Variants in TMPRSS11A observed in about 807,000 individuals in gnomAD.
TMPRSS11A encodes the protein transmembrane serine protease 11A.
In TMPRSS11A, 53 loss-of-function variants were observed where a neutral mutation model predicts 58.9. The ratio of observed to expected loss-of-function variants is 0.90; its 90% CI spans 0.72 to 1.13. TMPRSS11A has a LOEUF of 1.13. Ranked by LOEUF, TMPRSS11A falls within the 50% of genes most tolerant of loss-of-function variation. The pLI is 0.00. For missense variants in TMPRSS11A, 493 were observed against 499.3 expected, an observed-to-expected ratio of 0.99 and a Z score of 0.12; for synonymous variants, 167 against 169.8, an observed-to-expected ratio of 0.98 and a Z score of 0.13.
chr4:67,927,119 G>T (rs1284595552), intron 5 of TMPRSS11A, among the ~76,000 whole-genome samples: 1 of 152,124 alleles, frequency 6.6e-6, no homozygotes, highest in Non-Finnish European at 1.5e-5. Context: ...CCACTTGTCT[G>T]CATACCTCAT....
chr4:67,909,691 T>C lies in TMPRSS11A; in HGVS notation c.*1651A>G, dbSNP rs1176989532. ...TCATTTAAAATTCTTATCTTAAGAG[T>C]TTTCTATCTTAATACAGGTTCAATA... On this transcript the variant is annotated 3_prime_UTR_variant, in exon 10 of 10. Transcript: ENST00000508048. 6.6e-6 allele frequency: 1 copy of C among 152,034 alleles called. No homozygotes were observed. Among genetic ancestry groups the C allele is most frequent in the Non-Finnish European group, 1.5e-5 (1 of 67,972 alleles). The allele number at this position is 152,034 out of a possible 1,614,324, so 9.4% of individuals were successfully genotyped here.
Position 67,932,755 on chromosome 4 carries a change from A to T in TMPRSS11A, c.253-695T>A, listed in dbSNP as rs1272082277. ...AAGAGAGAGCCAAAATTTTTAAATT[A>T]TTGTCAATTGTGGACTCTAGGGTAA... On this transcript the variant is annotated intron_variant, in intron 3 of 9. Transcript: ENST00000508048. Among the ~76,000 whole-genome samples the T allele has an allele frequency of 3.7e-4, 57 of 152,176 alleles. 1 individual carries two copies. Among genetic ancestry groups the T allele is most frequent in the Non-Finnish European group, 1.3e-4 (9 of 67,986 alleles).
At chr4:67,947,799 C>T (rs1200519886) in intron 1 of TMPRSS11A, among the ~76,000 whole-genome samples, 2 of 152,156 alleles carry the variant, frequency 1.3e-5, no homozygotes, top group African/African-American at 2.4e-5. Context: ...CTGCATTAGC[C>T]TTGTTCATCT....
chr4:67,935,142 A>G (rs1449566052), intron 3 of TMPRSS11A, among the ~76,000 whole-genome samples: 1 of 152,226 alleles, frequency 6.6e-6, no homozygotes, highest in Non-Finnish European at 1.5e-5. Context: ...CTGAGGTTTC[A>G]TTGCCACAAG....
chr4:67,929,075 TA>T (rs1226102209), intron 5 of TMPRSS11A, among the ~76,000 whole-genome samples: 1 of 152,256 alleles, frequency 6.6e-6, no homozygotes, highest in Non-Finnish European at 1.5e-5. Context: ...AAACCTTTTT[TA>T]ATTGGAGCCT....
chr4:67,930,558 G>A (rs1279088863), intron 4 of TMPRSS11A, among the ~76,000 whole-genome samples: 2 of 151,806 alleles, frequency 1.3e-5, no homozygotes, highest in Admixed American at 6.6e-5. Context: ...TCTACCAGTT[G>A]GAACATACAT....
intron 3 of TMPRSS11A, among the ~76,000 whole-genome samples, chr4:67,941,134 C>G (rs1289846197): frequency 6.6e-6 from 1 of 152,180 alleles, no homozygotes; most frequent in Non-Finnish European, 1.5e-5. Flanking sequence ...ACTCATTTTA[C>G]TTTTGCATCT....
intron 1 of TMPRSS11A, among the ~76,000 whole-genome samples, chr4:67,950,357 T>C (rs1267723632): frequency 1.3e-5 from 2 of 152,228 alleles, no homozygotes; most frequent in Non-Finnish European, 2.9e-5. Context: ...CACTTGGCCA[T>C]CTCCTTCTTC....
Position 67,920,527 on chromosome 4 carries a change from T to TTATATATATATATATA in TMPRSS11A, c.693-1311_693-1296dup, listed in dbSNP as rs1180319358. Among the ~76,000 whole-genome samples, 116 of 132,702 alleles carry TTATATATATATATATA rather than the reference T, an allele frequency of 8.7e-4. 1 individual carries two copies. Among genetic ancestry groups the TTATATATATATATATA allele is most frequent in the South Asian group, 4.1e-3 (16 of 3,942 alleles). The allele number at this position is 132,702 out of a possible 152,430, so 87.1% of individuals were successfully genotyped here. A position where few individuals can be genotyped will look rare whatever the true frequency, so the allele number is the denominator to read the frequency against. On this transcript the variant is annotated intron_variant, in intron 7 of 9. Coordinates refer to ENST00000508048, the MANE Select transcript of TMPRSS11A (RefSeq NM_001114387.2). ...AGTTGGTTCTGGAAAAATGAGGTAA[T>TTATATATATATATATA]TATATATATATATATATATATATTT...
chr4:67,945,649 A>G (rs571868799), intron 2 of TMPRSS11A, among the ~76,000 whole-genome samples: 26 of 152,200 alleles, frequency 1.7e-4, no homozygotes, highest in Non-Finnish European at 3.4e-4. Flanking sequence ...TAAGGCTCCA[A>G]GTAGAGTCTT....
intron 1 of TMPRSS11A, among the ~76,000 whole-genome samples, chr4:67,962,678 T>G (rs1218822175): frequency 6.6e-6 from 1 of 152,262 alleles, no homozygotes; most frequent in Non-Finnish European, 1.5e-5. Context: ...ATTATCATCA[T>G]GGCTGTTTAA....
intron 7 of TMPRSS11A, among the ~76,000 whole-genome samples, chr4:67,922,483 G>A (rs1577854669): frequency 6.6e-6 from 1 of 152,108 alleles, no homozygotes; most frequent in African/African-American, 2.4e-5. Context: ...TTTTGTGTTA[G>A]GATGTCACAA....
At chr4:67,914,164 G>A (rs1278934424) in intron 9 of TMPRSS11A, among the ~76,000 whole-genome samples, 1 of 152,098 alleles carries the variant, frequency 6.6e-6, no homozygotes, top group African/African-American at 2.4e-5. Flanking sequence ...TTCTGAAATT[G>A]GATGTTATTT....
chr4:67,939,504 A>T (rs1720829942), intron 3 of TMPRSS11A, among the ~76,000 whole-genome samples: 1 of 152,124 alleles, frequency 6.6e-6, no homozygotes, highest in African/African-American at 2.4e-5. Context: ...GTTCTTAAGG[A>T]TAGTGCCTCC....
At chr4:67,927,543 G>A (rs1386108767) in intron 5 of TMPRSS11A, among the ~76,000 whole-genome samples, 1 of 152,256 alleles carries the variant, frequency 6.6e-6, no homozygotes, top group Non-Finnish European at 1.5e-5. Flanking sequence ...CTCCATGCCT[G>A]GGTTGGCCTT....
At chr4:67,951,022 C>A (rs1008113516) in intron 1 of TMPRSS11A, among the ~76,000 whole-genome samples, 1 of 152,200 alleles carries the variant, frequency 6.6e-6, no homozygotes, top group African/African-American at 2.4e-5. Context: ...AGAGATGGGG[C>A]AGACCCCTGT....
chr4:67,911,926 C>T (rs545902526), intron 9 of TMPRSS11A, among the ~76,000 whole-genome samples: 4 of 152,068 alleles, frequency 2.6e-5, no homozygotes, highest in African/African-American at 9.7e-5. Flanking sequence ...TTTATTTTCT[C>T]TTACGTAGTT....
At chr4:67,930,468 T>G (rs1278609721) in intron 4 of TMPRSS11A, among the ~76,000 whole-genome samples, 1 of 152,128 alleles carries the variant, frequency 6.6e-6, no homozygotes, top group Non-Finnish European at 1.5e-5. Flanking sequence ...TTGTTTCTCT[T>G]TGGTCAGCTC....
intron 3 of TMPRSS11A, among the ~76,000 whole-genome samples, chr4:67,938,270 T>A (rs767532827): frequency 3.9e-5 from 6 of 152,282 alleles, no homozygotes; most frequent in Non-Finnish European, 7.4e-5. Flanking sequence ...CTTTTGCTTG[T>A]TGAGTTGTTT....
Sources: gnomAD v4.1 joint callset for allele counts (sites outside exome capture counted in the v4.1 genomes callset) on GRCh38, gnomAD v4.1.1 for gene constraint, MANE v1.5 for transcripts, NCBI Gene and HGNC (gene_info 2026-07-23, HGNC 2026-07-21) for gene names.